The following RGS7 variants were observed in gnomAD, a reference collection of about 807,000 sequenced individuals.
The protein encoded by RGS7 is regulator of G-protein signaling 7.
Under a neutral mutation model 81.1 loss-of-function variants are expected in RGS7, and 27 were observed. That is an observed-to-expected ratio of 0.33 (90% CI 0.25 to 0.46). RGS7 has a LOEUF of 0.46. RGS7 is among the 20% of genes least tolerant of loss of function. RGS7 has a pLI of 1.00. For missense variants in RGS7, 396 were observed against 607.4 expected, an observed-to-expected ratio of 0.65 and a Z score of 3.66; for synonymous variants, 208 against 207.7, an observed-to-expected ratio of 1.00 and a Z score of -0.01.
chr1:240,814,704 T>G lies in RGS7; in HGVS notation c.845+12A>C. 1.3e-6 allele frequency: 2 copies of G among 1,534,362 alleles called. No individual in the cohort carries two copies. Among genetic ancestry groups the G allele is most frequent in the Non-Finnish European group, 1.8e-6 (2 of 1,108,004 alleles). ...AATTTTAAAATTTATACAGACACTT[T>G]GAAATACTCACCTGTCAGCGACTTT... On this transcript the variant is annotated intron_variant, in intron 12 of 18. Coordinates refer to ENST00000440928, the MANE Select transcript of RGS7 (RefSeq NM_001364886.1).
intron 2 of RGS7, among the ~76,000 whole-genome samples, chr1:241,103,238 C>CAT (rs2064890318): frequency 6.6e-6 from 1 of 152,074 alleles, no homozygotes; most frequent in Non-Finnish European, 1.5e-5. Context: ...TATGCACACA[C>CAT]ATATATGCAC....
intron 9 of RGS7, among the ~76,000 whole-genome samples, chr1:240,834,811 C>T (rs1024341401): frequency 1.8e-4 from 27 of 152,046 alleles, no homozygotes; most frequent in African/African-American, 6.0e-4. Context: ...GCGCCCAGCC[C>T]GACTTTGGCT....
At chr1:241,299,707 TAAC>T (rs2079617915) in intron 2 of RGS7, among the ~76,000 whole-genome samples, 1 of 151,914 alleles carries the variant, frequency 6.6e-6, no homozygotes, top group Admixed American at 6.6e-5. Context: ...AATCAATAGA[TAAC>T]AACCTGGTAC....
intron 3 of RGS7, among the ~76,000 whole-genome samples, chr1:241,007,747 A>C (rs116142047): frequency 7.2e-5 from 11 of 152,334 alleles, no homozygotes; most frequent in Non-Finnish European, 1.2e-4. Context: ...AGAAGTTAGA[A>C]GTGCTACTAT....
chr1:241,191,238 C>T (rs1354489626), intron 2 of RGS7, among the ~76,000 whole-genome samples: 1 of 152,104 alleles, frequency 6.6e-6, no homozygotes, highest in African/African-American at 2.4e-5. Flanking sequence ...CCTTAGCCTC[C>T]CAAAGGGAGG....
chr1:240,870,651 T>G (rs1664322685), intron 6 of RGS7, among the ~76,000 whole-genome samples: 1 of 152,162 alleles, frequency 6.6e-6, no homozygotes, highest in South Asian at 2.1e-4. Flanking sequence ...ATTTAAAAAT[T>G]TTTATTAAAT....
intron 2 of RGS7, among the ~76,000 whole-genome samples, chr1:241,187,256 C>T (rs1449995896): frequency 6.6e-6 from 1 of 152,028 alleles, no homozygotes; most frequent in South Asian, 2.1e-4. Flanking sequence ...CAAGATTCTA[C>T]TGGAAATCAA....
intron 14 of RGS7, among the ~76,000 whole-genome samples, chr1:240,808,250 C>G (rs1414231455): frequency 6.6e-6 from 1 of 152,090 alleles, no homozygotes; most frequent in Non-Finnish European, 1.5e-5. Context: ...AGAGAACGAA[C>G]TAGACGGTCT....
At chr1:241,046,242 C>A (rs1376950875) in intron 3 of RGS7, among the ~76,000 whole-genome samples, 1 of 152,004 alleles carries the variant, frequency 6.6e-6, no homozygotes, top group Non-Finnish European at 1.5e-5. Flanking sequence ...GTTTGGGGTA[C>A]AAATGATCCC....
At chr1:240,885,584 A>G (rs922142293) in intron 6 of RGS7, among the ~76,000 whole-genome samples, 7 of 152,226 alleles carry the variant, frequency 4.6e-5, no homozygotes, top group Admixed American at 3.9e-4. Flanking sequence ...GAATGAGATC[A>G]TGTCTTTTGA....
intron 4 of RGS7, among the ~76,000 whole-genome samples, chr1:240,978,039 G>A (rs181134914): frequency 2.0e-5 from 3 of 152,248 alleles, no homozygotes; most frequent in South Asian, 2.1e-4. Context: ...GGTCCAGCTC[G>A]CTCCCCACCA....
chr1:241,018,441 GT>G (rs2059377497), intron 3 of RGS7, among the ~76,000 whole-genome samples: 1 of 152,090 alleles, frequency 6.6e-6, no homozygotes, highest in African/African-American at 2.4e-5. Flanking sequence ...GTTGGGTCAT[GT>G]CTAATGTTTG....
rs77793659 is a variant in RGS7, at chr1:240,966,932, T to C, written c.226+16147A>G. On this transcript the variant is annotated intron_variant, in intron 4 of 18. Coordinates refer to ENST00000440928, the MANE Select transcript of RGS7 (RefSeq NM_001364886.1). ...GTTAAGTGCATTCAATTCAACAATGTTTACTGGTTACCCAACATGTGTGAA... is the reference window on the plus strand; with the variant it reads ...GTTAAGTGCATTCAATTCAACAATGCTTACTGGTTACCCAACATGTGTGAA... Among the ~76,000 whole-genome samples the C allele has an allele frequency of 6.4e-3, 981 of 152,298 alleles. 13 individuals carry two copies. Among genetic ancestry groups the C allele is most frequent in the African/African-American group, 0.022 (933 of 41,562 alleles).
At chr1:241,101,585 A>T (rs1282939710) in intron 2 of RGS7, among the ~76,000 whole-genome samples, 1 of 152,174 alleles carries the variant, frequency 6.6e-6, no homozygotes, top group South Asian at 2.1e-4. Flanking sequence ...ACCAAATACC[A>T]AATACCCCAC....
At chr1:241,118,790 C>G (rs2066044068) in intron 2 of RGS7, among the ~76,000 whole-genome samples, 1 of 152,064 alleles carries the variant, frequency 6.6e-6, no homozygotes, top group Admixed American at 6.6e-5. Context: ...AACTTAGAAA[C>G]AGAAAACCAA....
chr1:241,346,375 T>C (rs544198718), intron 2 of RGS7, among the ~76,000 whole-genome samples: 33 of 121,398 alleles, frequency 2.7e-4, no homozygotes, highest in African/African-American at 8.0e-4. Flanking sequence ...ACCATACACA[T>C]AGCTGCCCCA....
chr1:240,954,547 T>C (rs531828221), intron 4 of RGS7, among the ~76,000 whole-genome samples: 131 of 57,066 alleles, frequency 2.3e-3, no homozygotes, highest in Non-Finnish European at 4.3e-3. Flanking sequence ...CCAAAACTTA[T>C]CCATGTAAAA....
At chr1:240,776,336 A>AAGTCCATCTTAGTTC in intron 18 of RGS7, 123 bp from the exon 19 acceptor site, 1 of 755,160 alleles carries the variant, frequency 1.3e-6, no homozygotes, top group Non-Finnish European at 2.4e-6. Context: ...TGAACCCTTT[A>AAGTCCATCTTAGTTC]AGTCCATCTT....
intron 3 of RGS7, among the ~76,000 whole-genome samples, chr1:241,006,746 C>T (rs373353997): frequency 2.6e-5 from 4 of 152,156 alleles, no homozygotes; most frequent in Admixed American, 2.0e-4. Flanking sequence ...TTGAACTACA[C>T]GGGTTCCCTT....
Sources: gnomAD v4.1 joint callset for allele counts (sites outside exome capture counted in the v4.1 genomes callset) on GRCh38, gnomAD v4.1.1 for gene constraint, MANE v1.5 for transcripts, NCBI Gene and HGNC (gene_info 2026-07-23, HGNC 2026-07-21) for gene names.